Variants in PLEKHG1 observed in about 807,000 individuals in gnomAD.
The protein encoded by PLEKHG1 is pleckstrin homology domain-containing family G member 1.
In PLEKHG1, 44 loss-of-function variants were observed where a neutral mutation model predicts 100.8. The observed-to-expected ratio is 0.44, with a 90% confidence interval of 0.34 to 0.56. The LOEUF is 0.56. Ranked by LOEUF, PLEKHG1 falls within the 20% of genes least tolerant of loss-of-function variation. The pLI is 0.01. For synonymous variants in PLEKHG1, 640 were observed against 662.5 expected (o/e 0.97, Z 0.52); for missense variants, 1,545 against 1,720.9 (o/e 0.90, Z 1.81).
At chr6:150,699,549 T>C (rs1780683449) in intron 3 of PLEKHG1, among the ~76,000 whole-genome samples, 1 of 152,216 alleles carries the variant, frequency 6.6e-6, no homozygotes, top group Non-Finnish European at 1.5e-5. Context: ...CCCAGGTAGG[T>C]GGCCAAGCCC....
Position 150,652,840 on chromosome 6 carries a change from G to A in PLEKHG1, c.-99+2054G>A, listed in dbSNP as rs117623759. ...AGCTTAAGTGCAACAATGGGTTAGAGCCTTGCCTTTAACTCACAAAATAAT... is the reference window on the plus strand; with the variant it reads ...AGCTTAAGTGCAACAATGGGTTAGAACCTTGCCTTTAACTCACAAAATAAT... On this transcript the variant is annotated intron_variant, in intron 3 of 3. Transcript: ENST00000367326. Among the ~76,000 whole-genome samples the A allele has an allele frequency of 1.4e-3, 207 of 152,140 alleles. 2 individuals are homozygous for A. The highest frequency in any genetic ancestry group is 2.2e-3 in the Non-Finnish European group (148 of 68,020).
chr6:150,730,591 C>T (rs776222280), intron 1 of PLEKHG1, among the ~76,000 whole-genome samples: 28 of 152,058 alleles, frequency 1.8e-4, no homozygotes, highest in African/African-American at 2.4e-4. Context: ...GGACCGGTAC[C>T]GCACCCCTGT....
intron 1 of PLEKHG1, among the ~76,000 whole-genome samples, chr6:150,613,951 TAGTC>T (rs1386589517): frequency 2.0e-5 from 3 of 152,340 alleles, no homozygotes; most frequent in African/African-American, 7.2e-5. Context: ...AAAAATAAGT[TAGTC>T]AGATTTCCCT....
In PLEKHG1 at chr6:150,635,087, C is replaced by A. The variant is rs142024225; in HGVS notation, c.-203-2993C>A. On this transcript the variant is annotated intron_variant, in intron 1 of 3. Transcript: ENST00000367326. ...AACCAAAGGAAATGAAAATGAGGGA[C>A]AGATATGGTTCCTACCCTTCACGGG... Among the ~76,000 whole-genome samples, 86 of 152,280 alleles carry A rather than the reference C, an allele frequency of 5.6e-4. 1 individual carries two copies. Among genetic ancestry groups the A allele is most frequent in the Non-Finnish European group, 8.8e-5 (6 of 68,004 alleles).
intron 2 of PLEKHG1, among the ~76,000 whole-genome samples, chr6:150,647,712 G>C (rs977055297): frequency 2.6e-5 from 4 of 152,032 alleles, no homozygotes; most frequent in Non-Finnish European, 5.9e-5. Context: ...TTGTTTTGAC[G>C]TAAAATTCTA....
chr6:150,758,005 T>C (rs988218595), intron 2 of PLEKHG1, among the ~76,000 whole-genome samples: 4 of 152,218 alleles, frequency 2.6e-5, no homozygotes, highest in African/African-American at 7.2e-5. Flanking sequence ...GCTCCATCCA[T>C]GATTTCATTC....
intron 3 of PLEKHG1, among the ~76,000 whole-genome samples, chr6:150,768,989 A>G (rs889253813): frequency 3.3e-5 from 5 of 152,076 alleles, no homozygotes; most frequent in African/African-American, 1.2e-4. Context: ...GGGCAATGAC[A>G]TCTTTTCTTC....
chr6:150,609,266 C>T (rs911601695), intron 1 of PLEKHG1, among the ~76,000 whole-genome samples: 3 of 152,174 alleles, frequency 2.0e-5, no homozygotes, highest in Non-Finnish European at 2.9e-5. Flanking sequence ...GGAAACCCTA[C>T]ATAAGACAAG....
chr6:150,712,068 G>A (rs1032187078), intron 3 of PLEKHG1, among the ~76,000 whole-genome samples: 1 of 152,160 alleles, frequency 6.6e-6, no homozygotes, highest in African/African-American at 2.4e-5. Context: ...TCAAACGAAG[G>A]GTGTATGTGA....
chr6:150,713,392 A>G (rs1755655714), intron 3 of PLEKHG1, among the ~76,000 whole-genome samples: 1 of 152,070 alleles, frequency 6.6e-6, no homozygotes, highest in Non-Finnish European at 1.5e-5. Context: ...CGTCAATGGG[A>G]TTGTTCCCAT....
chr6:150,782,459 G>A (rs1484137140), intron 3 of PLEKHG1, among the ~76,000 whole-genome samples: 1 of 152,124 alleles, frequency 6.6e-6, no homozygotes, highest in Non-Finnish European at 1.5e-5. Flanking sequence ...ACTCAAACAG[G>A]CCTTCAACCC....
At chr6:150,737,073 C>T (rs1354717503) in intron 2 of PLEKHG1, among the ~76,000 whole-genome samples, 1 of 152,114 alleles carries the variant, frequency 6.6e-6, no homozygotes. Flanking sequence ...CCCTGTCCTC[C>T]TAGAAAACTT....
intron 2 of PLEKHG1, among the ~76,000 whole-genome samples, chr6:150,741,955 G>A (rs935929241): frequency 3.3e-5 from 5 of 152,266 alleles, no homozygotes; most frequent in East Asian, 3.9e-4. Context: ...CACTTGTGAC[G>A]ACCAAAAATG....
intron 1 of PLEKHG1, among the ~76,000 whole-genome samples, chr6:150,628,832 T>C (rs1582840383): frequency 6.6e-6 from 1 of 152,324 alleles, no homozygotes; most frequent in Non-Finnish European, 1.5e-5. Flanking sequence ...AGAGAAGCAC[T>C]ACTCCAGGTA....
intron 3 of PLEKHG1, among the ~76,000 whole-genome samples, chr6:150,773,513 G>A (rs953638490): frequency 2.6e-5 from 4 of 152,172 alleles, no homozygotes; most frequent in Non-Finnish European, 5.9e-5. Context: ...CAGCCTCGGC[G>A]ACAAAGCGAG....
At chr6:150,617,518 TAGA>T (rs1777121820) in intron 1 of PLEKHG1, among the ~76,000 whole-genome samples, 5 of 152,200 alleles carry the variant, frequency 3.3e-5, no homozygotes, top group Admixed American at 3.3e-4. Flanking sequence ...TGGAGGCTTT[TAGA>T]AGAAGACTGT....
At chr6:150,652,207 T>TA in intron 3 of PLEKHG1, among the ~76,000 whole-genome samples, 1 of 152,334 alleles carries the variant, frequency 6.6e-6, no homozygotes. Context: ...GAAGAGGAGA[T>TA]ATGCCTTTCT....
intron 2 of PLEKHG1, among the ~76,000 whole-genome samples, chr6:150,647,139 G>A (rs372591263): frequency 3.9e-5 from 6 of 152,132 alleles, no homozygotes; most frequent in African/African-American, 9.7e-5. Flanking sequence ...AGTCAGTATC[G>A]TATATAGAAG....
At chr6:150,603,079 C>CAAAAG (rs1776426158) in intron 1 of PLEKHG1, among the ~76,000 whole-genome samples, 1 of 70,310 alleles carries the variant, frequency 1.4e-5, no homozygotes, top group Non-Finnish European at 2.7e-5. Flanking sequence ...GACTCCGTCT[C>CAAAAG]AAAAAAAAAA....
Sources: allele counts gnomAD v4.1 joint callset (sites outside exome capture counted in the v4.1 genomes callset), GRCh38; gene constraint gnomAD v4.1.1; transcripts MANE v1.5; gene names NCBI Gene and HGNC (gene_info 2026-07-23, HGNC 2026-07-21).